The following EFCAB5 variants were observed in gnomAD, a reference collection of about 807,000 sequenced individuals.
EFCAB5 encodes the protein EF-hand calcium-binding domain-containing protein 5.
EFCAB5 carries 131 observed loss-of-function variants against 167.9 expected under a neutral mutation model. That is an observed-to-expected ratio of 0.78 (90% CI 0.68 to 0.90). The LOEUF (loss-of-function observed/expected upper bound fraction) is 0.90, where lower values mean the gene tolerates loss of function less well. EFCAB5 is among the 40% of genes least tolerant of loss of function. The pLI is 0.00. For missense variants in EFCAB5, 1,663 were observed against 1,745.2 expected (o/e 0.95, Z 0.84); for synonymous variants, 574 against 602.8 (o/e 0.95, Z 0.70).
intron 7 of EFCAB5, among the ~76,000 whole-genome samples, chr17:30,010,967 T>G (rs1481446452): frequency 6.6e-6 from 1 of 152,242 alleles, no homozygotes; most frequent in Non-Finnish European, 1.5e-5. Context: ...TAATCCATCT[T>G]GAATTAATTT....
At chr17:29,936,919 T>A (rs940131854), upstream of EFCAB5, among the ~76,000 whole-genome samples, 1 of 152,222 alleles carries the variant, frequency 6.6e-6, no homozygotes, top group Non-Finnish European at 1.5e-5. Context: ...TTGTTGGCCC[T>A]GCCAAGTAAA....
At chr17:30,099,941 T>C (rs962831261) in intron 22 of EFCAB5, among the ~76,000 whole-genome samples, 1 of 152,120 alleles carries the variant, frequency 6.6e-6, no homozygotes, top group Non-Finnish European at 1.5e-5. Context: ...CTTTTTTCTG[T>C]ATTCACTCTT....
chr17:29,988,479 A>T (rs2068337913), intron 4 of EFCAB5, among the ~76,000 whole-genome samples: 1 of 152,236 alleles, frequency 6.6e-6, no homozygotes, highest in South Asian at 2.1e-4. Flanking sequence ...TTCGAGCCAG[A>T]ATAAGAAGCT....
chr17:29,997,794 C>T (rs1052347855), intron 6 of EFCAB5, among the ~76,000 whole-genome samples: 8 of 152,010 alleles, frequency 5.3e-5, no homozygotes, highest in Non-Finnish European at 1.0e-4. Context: ...GCTCCTATTC[C>T]TCATCACTGT....
chr17:29,959,175 G>C (rs533595645), intron 3 of EFCAB5, among the ~76,000 whole-genome samples: 1 of 151,944 alleles, frequency 6.6e-6, no homozygotes, highest in Non-Finnish European at 1.5e-5. Flanking sequence ...TTTATTCAAG[G>C]CCCAAGGGCT....
chr17:29,940,490 C>G (rs2067283680), upstream of EFCAB5, among the ~76,000 whole-genome samples: 1 of 152,108 alleles, frequency 6.6e-6, no homozygotes, highest in Non-Finnish European at 1.5e-5. Flanking sequence ...CTGAGTGCAT[C>G]CAAACCAAAT....
At chr17:30,094,159 G>A (rs973713917) in intron 22 of EFCAB5, among the ~76,000 whole-genome samples, 39 of 152,068 alleles carry the variant, frequency 2.6e-4, no homozygotes, top group African/African-American at 8.5e-4. Context: ...GGCAGAATTA[G>A]GACTGGTAAT....
chr17:29,946,429 C>CTTTTTTT (rs58247381), intron 3 of EFCAB5, among the ~76,000 whole-genome samples: 4 of 85,444 alleles, frequency 4.7e-5, no homozygotes, highest in African/African-American at 9.9e-5. Flanking sequence ...ATGGAAATTT[C>CTTTTTTT]TTTTTTTTTT....
At chr17:29,943,041 A>AAT (rs34181760) in intron 2 of EFCAB5, among the ~76,000 whole-genome samples, 24,758 of 147,372 alleles carry the variant, frequency 0.17, 2,486 homozygotes, top group Non-Finnish European at 0.23. Context: ...GCATCTCCAA[A>AAT]ATATATATAT....
chr17:29,980,838 A>AT (rs1319997072), intron 4 of EFCAB5, among the ~76,000 whole-genome samples: 1 of 152,202 alleles, frequency 6.6e-6, no homozygotes, highest in Non-Finnish European at 1.5e-5. Context: ...CTGTACTTGT[A>AT]TGTTTCATAA....
chr17:29,935,766 A>G (rs904107290), intron 1 of EFCAB5, among the ~76,000 whole-genome samples: 1 of 152,100 alleles, frequency 6.6e-6, no homozygotes, highest in Non-Finnish European at 1.5e-5. Flanking sequence ...CAAAGGGAAA[A>G]ATTTAGAAAT....
chr17:30,080,873 G>C lies in EFCAB5; in HGVS notation c.3318G>C (p.Leu1106=). Residue 1106 remains leucine (L), a synonymous_variant, in exon 17 of 23, where the codon CTG becomes CTC. Transcript: ENST00000394835. ...ATTATAATGGTTCATTCCTGGCTCTGCCTCTTCAAGATGCATATATGAGGA... is the reference window on the plus strand; with the variant it reads ...ATTATAATGGTTCATTCCTGGCTCTCCCTCTTCAAGATGCATATATGAGGA... ...KHDYNGSFLA[L]PLQDAYMRIF... 6.2e-7 allele frequency: 1 copy of C among 1,613,810 alleles called. No individual in the cohort carries two copies. The highest frequency in any genetic ancestry group is 8.5e-7 in the Non-Finnish European group (1 of 1,179,834).
rs2070670112 is a variant in EFCAB5 at position 30,069,456 on chromosome 17, A to G, written c.2738-8759A>G. 1.9e-6 allele frequency: 3 copies of G among 1,570,492 alleles called. No homozygotes were observed. The Admixed American group carries it at 5.0e-5, about 26-fold the overall frequency. On this transcript the variant is annotated intron_variant, in intron 14 of 22. Coordinates refer to ENST00000394835, the MANE Select transcript of EFCAB5 (RefSeq NM_198529.4). ...ATATTCACGGAAAAGGTTTTGCAAC[A>G]GGAAGCTGAGATTGATGGCGTTCAC...
intron 13 of EFCAB5, chr17:30,058,944 A>G (rs1174491572): frequency 1.3e-5 from 2 of 152,100 alleles, no homozygotes; most frequent in African/African-American, 4.8e-5. Flanking sequence ...GAAGGAGTGG[A>G]AAAGAATGGT....
intron 7 of EFCAB5, among the ~76,000 whole-genome samples, chr17:30,014,503 AT>A (rs780743290): frequency 2.0e-5 from 3 of 152,286 alleles, no homozygotes; most frequent in African/African-American, 4.8e-5. Context: ...GTGCATATGT[AT>A]TTAGGATAGT....
chr17:30,089,173 G>A (rs932106983), intron 19 of EFCAB5, among the ~76,000 whole-genome samples: 3 of 151,744 alleles, frequency 2.0e-5, no homozygotes, highest in Admixed American at 6.6e-5. Context: ...TCCCACCTAT[G>A]AGTGGGAACA....
At chr17:30,031,715 GATCC>G (rs1474113682) in intron 7 of EFCAB5, 1 of 152,140 alleles carries the variant, frequency 6.6e-6, no homozygotes, top group East Asian at 1.9e-4. Context: ...TGTGTGCATT[GATCC>G]ATCAAGAATA....
At chr17:30,012,838 A>G (rs965578125) in intron 7 of EFCAB5, among the ~76,000 whole-genome samples, 1 of 152,168 alleles carries the variant, frequency 6.6e-6, no homozygotes, top group South Asian at 2.1e-4. Flanking sequence ...TTCCAACACT[A>G]TGTTGAATAG....
intron 4 of EFCAB5, among the ~76,000 whole-genome samples, chr17:29,971,044 A>G (rs1216972129): frequency 6.6e-6 from 1 of 151,238 alleles, no homozygotes; most frequent in Non-Finnish European, 1.5e-5. Context: ...ACTACACTCC[A>G]GCCTGGGCAA....
Sources: gnomAD v4.1 joint callset for allele counts (sites outside exome capture counted in the v4.1 genomes callset) on GRCh38, gnomAD v4.1.1 for gene constraint, MANE v1.5 for transcripts, NCBI Gene and HGNC (gene_info 2026-07-23, HGNC 2026-07-21) for gene names.